Variants in PHF21A observed in about 807,000 individuals in gnomAD.
PHF21A encodes BHC80a.
PHF21A carries 11 observed loss-of-function variants against 82.5 expected under a neutral mutation model. The observed-to-expected ratio is 0.13, with a 90% CI of 0.08 to 0.22. PHF21A has a LOEUF of 0.22. Ranked by LOEUF, PHF21A falls within the 10% of genes least tolerant of loss-of-function variation. The probability of loss-of-function intolerance (pLI) is 1.00; values close to 1 mark genes in which losing one functional copy is unlikely to be tolerated. For missense variants in PHF21A, 579 were observed against 837.8 expected, an observed-to-expected ratio of 0.69 and a Z score of 3.81; for synonymous variants, 297 against 302.8, an observed-to-expected ratio of 0.98 and a Z score of 0.20.
rs1406546954 is a variant in PHF21A, at chr11:45,943,860, G to A, written c.1452+1980C>T. Among the ~76,000 whole-genome samples the A allele has an allele frequency of 2.6e-5, 4 of 152,230 alleles. No individual in the cohort carries two copies. The South Asian group carries it at 6.2e-4, about 24-fold the overall frequency. On this transcript the variant is annotated intron_variant, in intron 15 of 18. Coordinates refer to ENST00000676320, the MANE Select transcript of PHF21A (RefSeq NM_001352027.3). ...TGTGATGCCCTGATAATGACCCATC[G>A]TCACTTATTAGTGCTCCTGCAAAAA...
intron 6 of PHF21A, among the ~76,000 whole-genome samples, chr11:46,063,521 A>C (rs889846094): frequency 6.6e-6 from 1 of 152,214 alleles, no homozygotes; most frequent in African/African-American, 2.4e-5. Flanking sequence ...TTTTACAAAA[A>C]CAGGTGGCAG....
chr11:46,006,129 C>T (rs1398347106), intron 6 of PHF21A, among the ~76,000 whole-genome samples: 2 of 152,012 alleles, frequency 1.3e-5, no homozygotes, highest in Non-Finnish European at 2.9e-5. Flanking sequence ...ATTAAAGAAC[C>T]AGATTAACTG....
At position 45,965,567 on chromosome 11, in the gene PHF21A, G is replaced by C; in HGVS notation, c.744C>G (p.Ala248=). ...CTGCGAGCATGGGAGGTGGTGCTGGGGCAATAGGAATGTTATTCTGGGCCA... is the reference window on the plus strand; with the variant it reads ...CTGCGAGCATGGGAGGTGGTGCTGGCGCAATAGGAATGTTATTCTGGGCCA... The part of the protein sequence containing the change: ...KPVAQNNIPI[A]PAPPPMLAAP... Residue 248 remains alanine, a synonymous_variant, in exon 10 of 19, where the codon GCC becomes GCG. Transcript: ENST00000676320. 1 of 1,578,344 alleles carries C rather than the reference G, an allele frequency of 6.3e-7. No homozygotes were observed.
At chr11:46,015,931 T>TAATA (rs981225604) in intron 6 of PHF21A, among the ~76,000 whole-genome samples, 1 of 148,006 alleles carries the variant, frequency 6.8e-6, no homozygotes, top group African/African-American at 2.5e-5. Context: ...TCTATCTATC[T>TAATA]ATCTATGCAG....
chr11:45,947,507 G>A (rs2091476532), intron 14 of PHF21A, among the ~76,000 whole-genome samples: 1 of 152,114 alleles, frequency 6.6e-6, no homozygotes, highest in South Asian at 2.1e-4. Flanking sequence ...AGATCGTACT[G>A]GTTTATCTTT....
intron 9 of PHF21A, 67 bp downstream of exon 9, chr11:45,969,748 T>C: frequency 9.2e-7 from 1 of 1,085,454 alleles, no homozygotes; most frequent in South Asian, 1.3e-5. Flanking sequence ...ACAGGCTACT[T>C]AGAAAGAGCC....
rs139838896 is a variant in PHF21A at position 45,970,125 on chromosome 11, A to G, written c.613-221T>C. The G allele has an allele frequency of 1.3e-3, 659 of 491,354 alleles. 3 individuals are homozygous for G. The highest frequency in any genetic ancestry group is 9.2e-3 in the East Asian group (244 of 26,458). 30.4% of individuals were successfully genotyped at this position (491,354 alleles called of 1,614,324 possible). On this transcript the variant is annotated intron_variant, in intron 8 of 18. Transcript: ENST00000676320. ...ACCAACCACACTTCTGTTTCCTCCT[A>G]CACCTAATGGAGAACATAGCAGGCT...
chr11:45,948,818 AAGG>A (rs1277710613), intron 14 of PHF21A, 65 bp downstream of exon 14: 1 of 1,079,180 alleles, frequency 9.3e-7, no homozygotes, highest in South Asian at 1.2e-5. Context: ...GGGAGGAGGG[AAGG>A]AGAAGAAACA....
intron 6 of PHF21A, among the ~76,000 whole-genome samples, chr11:46,019,013 G>A (rs1262591049): frequency 6.6e-6 from 1 of 151,370 alleles, no homozygotes; most frequent in Non-Finnish European, 1.5e-5. Context: ...AAACTCATTT[G>A]GTCAAAATAA....
At chr11:46,010,242 G>A (rs1313576041) in intron 6 of PHF21A, among the ~76,000 whole-genome samples, 1 of 152,170 alleles carries the variant, frequency 6.6e-6, no homozygotes, top group Non-Finnish European at 1.5e-5. Context: ...CAATGATTAA[G>A]TCACCTGAGA....
Position 45,948,795 on chromosome 11 carries a change from G to A in PHF21A, c.1288+91C>T, listed in dbSNP as rs2091680809. The stretch of plus-strand genomic sequence containing the variant: ...TATTTTCAAAGGATAGAGGAGTTAG[G>A]TCCTATAATGATGGGAGGAGGGAAG... On this transcript the variant is annotated intron_variant, in intron 14 of 18. Coordinates refer to ENST00000676320, the MANE Select transcript of PHF21A (RefSeq NM_001352027.3). 4.6e-6 allele frequency: 4 copies of A among 870,516 alleles called. No individual in the cohort carries two copies. In the Middle Eastern group the frequency reaches 6.5e-4, roughly 141 times the overall value. The allele number at this position is 870,516 out of a possible 1,614,324, so 53.9% of individuals were successfully genotyped here.
chr11:46,012,120 C>G (rs2095425853), intron 6 of PHF21A, among the ~76,000 whole-genome samples: 1 of 152,210 alleles, frequency 6.6e-6, no homozygotes, highest in African/African-American at 2.4e-5. Context: ...AAGAATCCTT[C>G]AACCAGGCCA....
rs138455095 is a variant in PHF21A, at chr11:46,046,548, A to C, written c.153+30206T>G. Among the ~76,000 whole-genome samples the C allele has an allele frequency of 5.3e-4, 80 of 152,314 alleles. 1 individual carries two copies. In the South Asian group the frequency reaches 0.011, roughly 21 times the overall value. On this transcript the variant is annotated intron_variant, in intron 6 of 18. Transcript: ENST00000676320. ...GGGTCAGGCTTCACTCTGCTTTTTT[A>C]ATGGTTATTAGAAGCCATTCTAAGG... is the stretch of plus-strand genomic sequence containing the variant.
At chr11:46,035,213 A>G (rs2095970414) in intron 6 of PHF21A, among the ~76,000 whole-genome samples, 1 of 152,112 alleles carries the variant, frequency 6.6e-6, no homozygotes, top group Non-Finnish European at 1.5e-5. Context: ...CTCACTTGAT[A>G]TTTTTTCCTG....
At chr11:46,065,731 TAAC>T (rs772021138) in intron 6 of PHF21A, among the ~76,000 whole-genome samples, 1 of 152,240 alleles carries the variant, frequency 6.6e-6, no homozygotes, top group African/African-American at 2.4e-5. Context: ...TCCTTTTCTT[TAAC>T]AAAAGTTGTT....
In PHF21A at chr11:45,969,853, G is replaced by C. The variant is rs143881073; in HGVS notation, c.664C>G (p.Pro222Ala). ...TTTGGACGTGGAGTGAGTCTAGGAG[G>C]GGGGATAAACTGTGGTACTTTGATG... is the stretch of plus-strand genomic sequence containing the variant. ...QPIKVPQFIP[P>A]PRLTPRPNFL... The change falls in exon 9 of 19, where the codon CCT (proline) becomes GCT (alanine). Residue 222 changes from proline (P) to alanine (A), a missense_variant. Physicochemically the swap from Pro to Ala is conservative, Grantham distance 27. Transcript: ENST00000676320. 6 of 1,613,770 alleles carry C rather than the reference G, an allele frequency of 3.7e-6. No individual in the cohort carries two copies. Among genetic ancestry groups the C allele is most frequent in the East Asian group, 2.2e-5 (1 of 44,886 alleles).
intron 7 of PHF21A, among the ~76,000 whole-genome samples, chr11:45,976,549 T>C (rs1216015482): frequency 6.6e-6 from 1 of 152,180 alleles, no homozygotes; most frequent in African/African-American, 2.4e-5. Context: ...TACCAATAAA[T>C]AGGTTAGTAG....
At chr11:46,027,439 T>A (rs1198520489) in intron 6 of PHF21A, among the ~76,000 whole-genome samples, 1 of 152,168 alleles carries the variant, frequency 6.6e-6, no homozygotes, top group East Asian at 1.9e-4. Flanking sequence ...AACCAAGAAA[T>A]TGCCTTTATA....
intron 14 of PHF21A, among the ~76,000 whole-genome samples, chr11:45,948,389 T>C (rs1214404726): frequency 3.9e-5 from 6 of 152,218 alleles, no homozygotes; most frequent in Admixed American, 1.3e-4. Context: ...TAGTTGGAGA[T>C]GCCCTCTTCT....
Sources: allele counts gnomAD v4.1 joint callset (sites outside exome capture counted in the v4.1 genomes callset), GRCh38; gene constraint gnomAD v4.1.1; transcripts MANE v1.5; gene names NCBI Gene and HGNC (gene_info 2026-07-23, HGNC 2026-07-21).